Variants in ROBO1 observed in about 807,000 individuals in gnomAD.
ROBO1 encodes roundabout guidance receptor 1.
In ROBO1, 149 loss-of-function variants were observed where a neutral mutation model predicts 195.9. The observed-to-expected ratio is 0.76, with a 90% CI of 0.67 to 0.87. The LOEUF (loss-of-function observed/expected upper bound fraction) is 0.87, where lower values mean the gene tolerates loss of function less well. Ranked by LOEUF, ROBO1 falls within the 40% of genes least tolerant of loss-of-function variation. The pLI is 0.00. For missense variants in ROBO1, 1,933 were observed against 2,068.3 expected, an observed-to-expected ratio of 0.93 and a Z score of 1.27; for synonymous variants, 816 against 733.2, an observed-to-expected ratio of 1.11 and a Z score of -1.82.
rs541469231 is a variant in ROBO1, at chr3:79,187,083, A to C, written c.89-61544T>G. Among the ~76,000 whole-genome samples, 46 of 152,254 alleles carry C rather than the reference A, an allele frequency of 3.0e-4. 2 individuals are homozygous for C. The South Asian group carries it at 8.9e-3, about 29-fold the overall frequency. ...TTGAGAAGAATGCTGTCTTCAGATTAGAAGAGATCCAAAGGTATCTAGTTA... is the reference window on the plus strand; with the variant it reads ...TTGAGAAGAATGCTGTCTTCAGATTCGAAGAGATCCAAAGGTATCTAGTTA... On this transcript the variant is annotated intron_variant, in intron 2 of 30. Coordinates refer to ENST00000464233, the MANE Select transcript of ROBO1 (RefSeq NM_002941.4).
chr3:79,041,497 A>G (rs1320055283), intron 3 of ROBO1, among the ~76,000 whole-genome samples: 5 of 151,618 alleles, frequency 3.3e-5, no homozygotes, highest in African/African-American at 1.2e-4. Flanking sequence ...TTGCAATCCC[A>G]TAGAATGTTC....
chr3:79,345,903 C>T (rs1005598902), intron 2 of ROBO1, among the ~76,000 whole-genome samples: 7 of 152,062 alleles, frequency 4.6e-5, no homozygotes, highest in African/African-American at 1.7e-4. Flanking sequence ...TTATAGTGTC[C>T]TGCATTCTGG....
At chr3:79,006,338 C>A (rs1248229480) in intron 3 of ROBO1, among the ~76,000 whole-genome samples, 1 of 151,896 alleles carries the variant, frequency 6.6e-6, no homozygotes, top group Non-Finnish European at 1.5e-5. Context: ...AGAAGAGGGG[C>A]AAACACCAGA....
intron 4 of ROBO1, among the ~76,000 whole-genome samples, chr3:78,809,962 A>G (rs573243773): frequency 6.6e-6 from 1 of 151,152 alleles, no homozygotes; most frequent in Admixed American, 6.6e-5. Flanking sequence ...CGTTCTGCAC[A>G]TGTATCCCAG....
intron 3 of ROBO1, among the ~76,000 whole-genome samples, chr3:79,035,791 C>T (rs546128911): frequency 2.6e-5 from 4 of 151,398 alleles, no homozygotes; most frequent in African/African-American, 9.7e-5. Context: ...TTGAAAATTC[C>T]CCAATTTCCA....
At chr3:79,187,856 A>T (rs2081469033) in intron 2 of ROBO1, among the ~76,000 whole-genome samples, 1 of 151,998 alleles carries the variant, frequency 6.6e-6, no homozygotes, top group South Asian at 2.1e-4. Context: ...TATGTGATTG[A>T]AATGAGCTGG....
chr3:78,915,640 CT>C (rs1406773974), intron 4 of ROBO1, among the ~76,000 whole-genome samples: 3 of 151,992 alleles, frequency 2.0e-5, no homozygotes, highest in Non-Finnish European at 4.4e-5. Context: ...GTAAAATTTA[CT>C]GAAGATATGC....
chr3:79,630,907 A>G (rs1430933159), intron 1 of ROBO1, among the ~76,000 whole-genome samples: 1 of 151,894 alleles, frequency 6.6e-6, no homozygotes, highest in African/African-American at 2.4e-5. Flanking sequence ...ACCTAGGAAT[A>G]TATTCAACAA....
intron 2 of ROBO1, among the ~76,000 whole-genome samples, chr3:79,350,439 T>G (rs1384400289): frequency 6.6e-6 from 1 of 152,166 alleles, no homozygotes; most frequent in Non-Finnish European, 1.5e-5. Context: ...CTAAGAGAAT[T>G]CCACTCCTAA....
intron 2 of ROBO1, among the ~76,000 whole-genome samples, chr3:79,459,336 C>T (rs78770431): frequency 0.011 from 1,700 of 152,140 alleles, 33 homozygotes; most frequent in African/African-American, 0.039. Flanking sequence ...TTATTCTCTA[C>T]AAAAAATCAT....
intron 1 of ROBO1, among the ~76,000 whole-genome samples, chr3:79,646,667 T>C (rs1036148029): frequency 6.6e-6 from 1 of 151,954 alleles, no homozygotes; most frequent in African/African-American, 2.4e-5. Flanking sequence ...TAAGTGCCCA[T>C]CAATGGATGA....
rs1702942121 is a variant in ROBO1 at position 78,598,025 on chromosome 3, C to T, written c.*888G>A. 1 of 151,406 alleles carries T rather than the reference C, an allele frequency of 6.6e-6. No individual in the cohort carries two copies. The highest frequency in any genetic ancestry group is 6.6e-5 in the Admixed American group (1 of 15,188). The allele number at this position is 151,406 out of a possible 1,614,324, so 9.4% of individuals were successfully genotyped here. On this transcript the variant is annotated 3_prime_UTR_variant, in exon 31 of 31. Coordinates refer to ENST00000464233, the MANE Select transcript of ROBO1 (RefSeq NM_002941.4). ...ACAAAAATCAAACTTCCTTAAGTGG[C>T]ACTTCTGAAAGTTGAACTGACACTA...
Position 79,014,155 on chromosome 3 carries a change from A to G in ROBO1, c.173-75228T>C, listed in dbSNP as rs141971478. On this transcript the variant is annotated intron_variant, in intron 3 of 30. Transcript: ENST00000464233. Reference sequence around the variant, plus strand: ...AGTTGTTGAATTTAAGAGAATATACACTGACATCATATTTTCAGAAATCCA... The same window carrying G: ...AGTTGTTGAATTTAAGAGAATATACGCTGACATCATATTTTCAGAAATCCA... Among the ~76,000 whole-genome samples, 11 of 152,286 alleles carry G rather than the reference A, an allele frequency of 7.2e-5. No homozygotes were observed. In the East Asian group the frequency reaches 1.9e-3, roughly 27 times the overall value.
At chr3:79,748,322 T>G (rs1703961789) in intron 1 of ROBO1, among the ~76,000 whole-genome samples, 1 of 152,168 alleles carries the variant, frequency 6.6e-6, no homozygotes, top group African/African-American at 2.4e-5. Context: ...GAAATACTGT[T>G]ACAAATATTT....
intron 3 of ROBO1, among the ~76,000 whole-genome samples, chr3:79,036,923 C>T (rs2078390637): frequency 6.6e-6 from 1 of 152,102 alleles, no homozygotes; most frequent in Non-Finnish European, 1.5e-5. Flanking sequence ...AGAAATGTTG[C>T]AGATTCTCGA....
chr3:79,505,093 A>G (rs1940317422), intron 2 of ROBO1, among the ~76,000 whole-genome samples: 1 of 152,168 alleles, frequency 6.6e-6, no homozygotes, highest in Non-Finnish European at 1.5e-5. Flanking sequence ...ATTAAAATGA[A>G]TTCCTGTATA....
chr3:79,239,618 T>G (rs929964166), intron 2 of ROBO1, among the ~76,000 whole-genome samples: 1 of 152,204 alleles, frequency 6.6e-6, no homozygotes, highest in Non-Finnish European at 1.5e-5. Context: ...GGACTAACCA[T>G]CTATCTGATG....
At chr3:78,675,267 T>A (rs1041000480) in intron 10 of ROBO1, among the ~76,000 whole-genome samples, 1 of 151,978 alleles carries the variant, frequency 6.6e-6, no homozygotes, top group Non-Finnish European at 1.5e-5. Flanking sequence ...TCTGCATTTC[T>A]ATCTGAGGTA....
At chr3:78,833,469 G>A (rs1483954611) in intron 4 of ROBO1, among the ~76,000 whole-genome samples, 13 of 151,864 alleles carry the variant, frequency 8.6e-5, no homozygotes. Context: ...AAATAACAAT[G>A]AAAGATATTT....
Sources: allele counts gnomAD v4.1 joint callset (sites outside exome capture counted in the v4.1 genomes callset), GRCh38; gene constraint gnomAD v4.1.1; transcripts MANE v1.5; gene names NCBI Gene and HGNC (gene_info 2026-07-23, HGNC 2026-07-21).